HIBCH: variants seen among roughly 807,000 people sequenced by gnomAD.
HIBCH encodes 3-hydroxyisobutyryl-CoA hydrolase, also known as 3-hydroxyisobutyryl-CoA hydrolase, mitochondrial.
A neutral mutation model predicts 58.2 loss-of-function variants in HIBCH; 50 were observed. That is an observed-to-expected ratio of 0.86 (90% CI 0.68 to 1.09). The LOEUF (loss-of-function observed/expected upper bound fraction) is 1.09, where lower values mean the gene tolerates loss of function less well. Among genes scored for constraint, HIBCH ranks in the 50% least tolerant of loss-of-function variants. HIBCH has a pLI of 0.00. For synonymous variants in HIBCH, 151 were observed against 146.9 expected, an observed-to-expected ratio of 1.03 and a Z score of -0.20; for missense variants, 450 against 449.7, an observed-to-expected ratio of 1.00 and a Z score of -0.01.
chr2:190,298,526 A>G (rs1688172331), intron 2 of HIBCH, among the ~76,000 whole-genome samples: 1 of 151,922 alleles, frequency 6.6e-6, no homozygotes, highest in African/African-American at 2.4e-5. Flanking sequence ...TTTTCATGTT[A>G]GTTGGCCGTA....
downstream of HIBCH, chr2:190,202,647 G>T (rs1690282529): frequency 6.0e-6 from 1 of 166,986 alleles, no homozygotes; most frequent in Non-Finnish European, 1.5e-5. Context: ...GACTGTCTGA[G>T]AAGGCAGGAG....
intron 6 of HIBCH, among the ~76,000 whole-genome samples, chr2:190,265,372 G>A (rs1479157232): frequency 1.3e-5 from 2 of 150,822 alleles, no homozygotes; most frequent in African/African-American, 2.4e-5. Flanking sequence ...AGCTTTTTCA[G>A]GTTTATTAGC....
At chr2:190,252,941 C>T (rs1686817538) in intron 7 of HIBCH, among the ~76,000 whole-genome samples, 1 of 152,144 alleles carries the variant, frequency 6.6e-6, no homozygotes. Flanking sequence ...GTAATCTCAG[C>T]ACTTTGGGAG....
chr2:190,206,257 G>A lies in HIBCH; in HGVS notation c.1046-1025C>T, dbSNP rs1184270672. Among the ~76,000 whole-genome samples, 1 of 152,168 alleles carries A rather than the reference G, an allele frequency of 6.6e-6. No homozygotes were observed. The highest frequency in any genetic ancestry group is 1.5e-5 in the Non-Finnish European group (1 of 68,032). Reference sequence around the variant, plus strand: ...TTTAAGATTTAACTGCCTACTATGAGATTCTGGTATCAGATCAGTGGCGAT... The same window carrying A: ...TTTAAGATTTAACTGCCTACTATGAAATTCTGGTATCAGATCAGTGGCGAT... On this transcript the variant is annotated intron_variant, in intron 13 of 13. Coordinates refer to ENST00000359678, the MANE Select transcript of HIBCH (RefSeq NM_014362.4). The surrounding 1 kb of genome is among the most constrained non-coding windows in gnomAD (Gnocchi z 5.1).
intron 1 of HIBCH, among the ~76,000 whole-genome samples, chr2:190,190,436 T>C (rs2105872313): frequency 6.6e-6 from 1 of 152,382 alleles, no homozygotes; most frequent in African/African-American, 2.4e-5. Context: ...CTAATTTGTT[T>C]ATCCATTTGA....
At chr2:190,308,627 C>A (rs1688476918) in intron 2 of HIBCH, among the ~76,000 whole-genome samples, 1 of 152,126 alleles carries the variant, frequency 6.6e-6, no homozygotes, top group Admixed American at 6.5e-5. Context: ...ACAGAGGTCC[C>A]ACCTGCAAAA....
intron 11 of HIBCH, 101 bp downstream of exon 11, chr2:190,244,786 G>A (rs138580382): frequency 4.4e-5 from 36 of 820,306 alleles, no homozygotes; most frequent in African/African-American, 4.3e-4. Flanking sequence ...CAATGCATGG[G>A]CTATGTCACC....
intron 7 of HIBCH, among the ~76,000 whole-genome samples, chr2:190,257,006 C>T (rs978424166): frequency 3.9e-5 from 6 of 152,006 alleles, no homozygotes; most frequent in Non-Finnish European, 8.8e-5. Context: ...TTCCTGAAAA[C>T]GGAATGGGTG....
intron 11 of HIBCH, among the ~76,000 whole-genome samples, chr2:190,244,130 AAT>A (rs72093680): frequency 0.25 from 36,849 of 149,572 alleles, 4,744 homozygotes; most frequent in East Asian, 0.32. Flanking sequence ...TGTGGAGCCT[AAT>A]ATATATATAT....
intron 11 of HIBCH, among the ~76,000 whole-genome samples, chr2:190,225,175 C>A (rs1471014415): frequency 6.6e-6 from 1 of 152,120 alleles, no homozygotes; most frequent in Non-Finnish European, 1.5e-5. Context: ...AAGGAAAGAT[C>A]TAAAATTGAC....
At chr2:190,239,967 T>A (rs972075022) in intron 11 of HIBCH, among the ~76,000 whole-genome samples, 12 of 152,080 alleles carry the variant, frequency 7.9e-5, no homozygotes, top group South Asian at 4.1e-4. Flanking sequence ...ATTTTTTTAT[T>A]GTTGTGTCTC....
chr2:190,205,380 C>T lies in HIBCH; in HGVS notation c.1046-148G>A, dbSNP rs1006400614. 7 of 611,534 alleles carry T rather than the reference C, an allele frequency of 1.1e-5. No homozygotes were observed. In the African/African-American group the frequency reaches 1.3e-4, roughly 11 times the overall value. 37.9% of individuals were successfully genotyped at this position (611,534 alleles called of 1,614,324 possible). The stretch of plus-strand genomic sequence containing the variant: ...AAATTTTTATATGTATTCTATTTTT[C>T]TTTTAAATTAAATCTCCAGGGATGG... On this transcript the variant is annotated intron_variant, in intron 13 of 13. Transcript: ENST00000359678.
chr2:190,259,959 C>T (rs1214326818), intron 7 of HIBCH, among the ~76,000 whole-genome samples: 1 of 152,144 alleles, frequency 6.6e-6, no homozygotes, highest in Non-Finnish European at 1.5e-5. Flanking sequence ...TAACATCAAA[C>T]TTAATTGGTA....
intron 11 of HIBCH, among the ~76,000 whole-genome samples, chr2:190,240,388 CTT>C (rs1559028573): frequency 6.6e-6 from 1 of 152,124 alleles, no homozygotes; most frequent in Non-Finnish European, 1.5e-5. Flanking sequence ...AGTCTTCTCT[CTT>C]TTCTTATTAG....
intron 2 of HIBCH, among the ~76,000 whole-genome samples, chr2:190,303,748 G>C (rs555954048): frequency 1.3e-5 from 2 of 152,264 alleles, no homozygotes; most frequent in Non-Finnish European, 2.9e-5. Flanking sequence ...GAGCATGAAA[G>C]GGAAAAATAG....
chr2:190,308,136 A>G (rs1688461836), intron 2 of HIBCH, among the ~76,000 whole-genome samples: 1 of 152,030 alleles, frequency 6.6e-6, no homozygotes, highest in Admixed American at 6.5e-5. Context: ...GAATTATTCA[A>G]CCCCCAGGCC....
downstream of HIBCH, chr2:190,201,604 C>T (rs1690245634): frequency 6.0e-6 from 1 of 166,882 alleles, no homozygotes; most frequent in African/African-American, 2.4e-5. Context: ...ACTTTGAAAC[C>T]CACAATCAAA....
At chr2:190,190,594 G>A (rs925305182) in intron 1 of HIBCH, among the ~76,000 whole-genome samples, 1 of 120,532 alleles carries the variant, frequency 8.3e-6, no homozygotes, top group Admixed American at 1.0e-4. Flanking sequence ...GGTTCACAGG[G>A]TAAGTGTGTG....
intron 2 of HIBCH, among the ~76,000 whole-genome samples, chr2:190,305,678 G>A (rs763395682): frequency 9.9e-5 from 15 of 152,092 alleles, no homozygotes; most frequent in Non-Finnish European, 1.6e-4. Flanking sequence ...TAGGGGAAAC[G>A]GAAACTGGGT....
Sources: allele counts gnomAD v4.1 joint callset (sites outside exome capture counted in the v4.1 genomes callset), GRCh38; gene constraint gnomAD v4.1.1; non-coding constraint Gnocchi (gnomAD v3.1); transcripts MANE v1.5; gene names NCBI Gene and HGNC (gene_info 2026-07-23, HGNC 2026-07-21).